The following GALNTL6 variants were observed in gnomAD, a reference collection of about 807,000 sequenced individuals.
GALNTL6 encodes polypeptide N-acetylgalactosaminyltransferase-like 6.
GALNTL6 carries 46 observed loss-of-function variants against 73.7 expected under a neutral mutation model. The ratio of observed to expected loss-of-function variants is 0.62; its 90% CI spans 0.49 to 0.80. The LOEUF (loss-of-function observed/expected upper bound fraction) is 0.80. GALNTL6 is among the 30% of genes least tolerant of loss of function. GALNTL6 has a pLI of 0.00. For missense variants in GALNTL6, 604 were observed against 755.0 expected, an observed-to-expected ratio of 0.80 and a Z score of 2.34; for synonymous variants, 259 against 263.7, an observed-to-expected ratio of 0.98 and a Z score of 0.17.
chr4:172,606,947 C>T (rs576994440), intron 5 of GALNTL6, among the ~76,000 whole-genome samples: 37 of 151,604 alleles, frequency 2.4e-4, no homozygotes, highest in African/African-American at 8.5e-4. Flanking sequence ...AATAGAGTGC[C>T]ATTTTGTCTA....
At chr4:172,487,300 GTCTTTCTTTCTT>G (rs1212706952) in intron 5 of GALNTL6, among the ~76,000 whole-genome samples, 72 of 118,720 alleles carry the variant, frequency 6.1e-4, no homozygotes, top group African/African-American at 2.2e-3. Context: ...CTTTCCTTCT[GTCTTTCTTTCTT>G]TCTTTCTTTC....
chr4:171,853,323 G>T (rs1039566239), intron 2 of GALNTL6, among the ~76,000 whole-genome samples: 5 of 151,870 alleles, frequency 3.3e-5, no homozygotes, highest in Non-Finnish European at 5.9e-5. Context: ...GCATTTACCT[G>T]CTGGTAAGTT....
At chr4:172,308,074 C>T (rs2626617) in intron 3 of GALNTL6, among the ~76,000 whole-genome samples, 105,557 of 129,398 alleles carry the variant, frequency 0.82, 43,194 homozygotes, top group Non-Finnish European at 0.87. Context: ...ATTTGATTCT[C>T]AGCTTAGTCA....
At chr4:172,774,959 C>CAAT (rs57591714) in intron 5 of GALNTL6, among the ~76,000 whole-genome samples, 25,575 of 140,158 alleles carry the variant, frequency 0.18, 2,428 homozygotes, top group Middle Eastern at 0.22. Flanking sequence ...GGCTCCATCT[C>CAAT]AATAATAATA....
intron 7 of GALNTL6, among the ~76,000 whole-genome samples, chr4:172,815,471 G>C (rs1183979451): frequency 5.9e-5 from 9 of 152,116 alleles, no homozygotes; most frequent in African/African-American, 1.7e-4. Flanking sequence ...ACTCACCCAG[G>C]CTGGCTTTCC....
At chr4:172,949,712 C>A (rs2610194) in intron 9 of GALNTL6, among the ~76,000 whole-genome samples, 70,684 of 151,672 alleles carry the variant, frequency 0.47, 16,596 homozygotes, top group African/African-American at 0.5. Flanking sequence ...AATCAAGACC[C>A]TCCTGGCTAA....
At chr4:172,478,500 C>T (rs1733322703) in intron 5 of GALNTL6, among the ~76,000 whole-genome samples, 2 of 152,042 alleles carry the variant, frequency 1.3e-5, no homozygotes, top group Non-Finnish European at 2.9e-5. Flanking sequence ...TCACCATAGA[C>T]AAATTAACTC....
intron 2 of GALNTL6, among the ~76,000 whole-genome samples, chr4:172,196,313 C>T (rs1735769141): frequency 1.3e-5 from 2 of 151,930 alleles, no homozygotes; most frequent in African/African-American, 4.8e-5. Context: ...AAATAGCCAC[C>T]AACCAAAAAA....
chr4:172,191,367 C>A (rs1486492270), intron 2 of GALNTL6, among the ~76,000 whole-genome samples: 1 of 152,190 alleles, frequency 6.6e-6, no homozygotes, highest in East Asian at 1.9e-4. Context: ...ATATCCTATT[C>A]TCTACAACTG....
chr4:172,130,434 T>C (rs1370628001), intron 2 of GALNTL6, among the ~76,000 whole-genome samples: 1 of 152,008 alleles, frequency 6.6e-6, no homozygotes, highest in Non-Finnish European at 1.5e-5. Context: ...GTCTCATCTA[T>C]AAAATTGATC....
intron 2 of GALNTL6, among the ~76,000 whole-genome samples, chr4:171,919,320 C>A (rs1737715550): frequency 1.3e-5 from 2 of 151,990 alleles, no homozygotes; most frequent in South Asian, 4.1e-4. Context: ...AAAAAAATGT[C>A]TTTCATTTTA....
intron 5 of GALNTL6, among the ~76,000 whole-genome samples, chr4:172,356,116 T>A (rs1261969358): frequency 6.6e-6 from 1 of 152,128 alleles, no homozygotes; most frequent in African/African-American, 2.4e-5. Flanking sequence ...GAAGCAAAAC[T>A]GTTACAGCTC....
At chr4:172,320,876 G>C (rs951728603) in intron 4 of GALNTL6, among the ~76,000 whole-genome samples, 1 of 152,148 alleles carries the variant, frequency 6.6e-6, no homozygotes, top group African/African-American at 2.4e-5. Flanking sequence ...CAACGCTGGA[G>C]ACTTAACCAT....
intron 2 of GALNTL6, among the ~76,000 whole-genome samples, chr4:172,181,552 C>G (rs1161279364): frequency 6.6e-6 from 1 of 152,228 alleles, no homozygotes; most frequent in East Asian, 1.9e-4. Context: ...CAAGGATGCC[C>G]TCTCTCACCA....
At chr4:171,999,895 G>A (rs1452172458) in intron 2 of GALNTL6, among the ~76,000 whole-genome samples, 1 of 152,064 alleles carries the variant, frequency 6.6e-6, no homozygotes, top group Non-Finnish European at 1.5e-5. Flanking sequence ...TACTAACATA[G>A]CCTAACACCG....
intron 5 of GALNTL6, among the ~76,000 whole-genome samples, chr4:172,528,063 T>A (rs1200319312): frequency 2.6e-5 from 4 of 151,806 alleles, no homozygotes; most frequent in Admixed American, 6.6e-5. Context: ...AGATAGTAAC[T>A]TAATTCTGAA....
At chr4:172,905,210 A>G (rs1388715317) in intron 8 of GALNTL6, among the ~76,000 whole-genome samples, 2 of 152,208 alleles carry the variant, frequency 1.3e-5, no homozygotes, top group Non-Finnish European at 1.5e-5. Flanking sequence ...CCTTGTTCAT[A>G]TCAAAGCAAG....
Position 172,500,413 on chromosome 4 carries a change from C to T in GALNTL6, c.553+151724C>T, listed in dbSNP as rs370241113. 4.6e-5 allele frequency among the ~76,000 whole-genome samples: 7 copies of T among 152,132 alleles called. No individual in the cohort carries two copies. The South Asian group carries it at 8.3e-4, about 18-fold the overall frequency. On this transcript the variant is annotated intron_variant, in intron 5 of 12. Coordinates refer to ENST00000506823, the MANE Select transcript of GALNTL6 (RefSeq NM_001034845.3). ...TCCAGCCTGGGTGACAGAGAGGGCC[C>T]CCATCTCAGAGCAAAACAAAACCTC... is the stretch of plus-strand genomic sequence containing the variant.
chr4:172,924,016 G>T (rs995974265), intron 8 of GALNTL6, among the ~76,000 whole-genome samples: 17 of 152,096 alleles, frequency 1.1e-4, no homozygotes, highest in African/African-American at 3.9e-4. Context: ...ACGAGCCTGG[G>T]GTGGGAACTA....
Sources: gnomAD v4.1 joint callset for allele counts (sites outside exome capture counted in the v4.1 genomes callset) on GRCh38, gnomAD v4.1.1 for gene constraint, MANE v1.5 for transcripts, NCBI Gene and HGNC (gene_info 2026-07-23, HGNC 2026-07-21) for gene names.